AGMO: variants seen among roughly 807,000 people sequenced by gnomAD.
AGMO encodes the protein alkylglycerol monooxygenase, also known as glyceryl-ether monooxygenase.
In AGMO, 75 loss-of-function variants were observed where a neutral mutation model predicts 60.2. That is an observed-to-expected ratio of 1.25 (90% CI 1.03 to 1.51). The LOEUF (loss-of-function observed/expected upper bound fraction) is 1.51. AGMO is among the 40% of genes most tolerant of loss of function. The pLI, the probability that AGMO is intolerant of heterozygous loss-of-function variation, is 0.00. For missense variants in AGMO, 763 were observed against 525.5 expected (o/e 1.45, Z -4.42); for synonymous variants, 261 against 177.1 (o/e 1.47, Z -3.76).
intron 12 of AGMO, among the ~76,000 whole-genome samples, chr7:15,321,817 C>A (rs1328287672): frequency 6.6e-6 from 1 of 151,872 alleles, no homozygotes; most frequent in Non-Finnish European, 1.5e-5. Context: ...TTATTATTCC[C>A]CATAGGCTAG....
chr7:15,264,047 GTAAAAACCTATTGAAA>G (rs1783360762), intron 12 of AGMO, among the ~76,000 whole-genome samples: 1 of 151,062 alleles, frequency 6.6e-6, no homozygotes, highest in Non-Finnish European at 1.5e-5. Context: ...CTCCTGTTCA[GTAAAAACCTATTGAAA>G]TAAAAAATGA....
chr7:15,215,086 G>C (rs1781697726), intron 12 of AGMO, among the ~76,000 whole-genome samples: 1 of 152,054 alleles, frequency 6.6e-6, no homozygotes, highest in South Asian at 2.1e-4. Context: ...AGTAGAGTAA[G>C]CTAATTTTAA....
intron 12 of AGMO, among the ~76,000 whole-genome samples, chr7:15,282,278 T>C (rs1039509702): frequency 2.6e-5 from 4 of 151,944 alleles, no homozygotes; most frequent in African/African-American, 7.2e-5. Context: ...AATATTAAGC[T>C]ACTCAAGGAG....
chr7:15,557,438 T>C (rs1785175901), intron 2 of AGMO, among the ~76,000 whole-genome samples: 1 of 152,032 alleles, frequency 6.6e-6, no homozygotes. Context: ...CCTCAGCTGT[T>C]AATGATTTGC....
chr7:15,541,145 G>A (rs1184148953), intron 3 of AGMO, among the ~76,000 whole-genome samples: 2 of 151,570 alleles, frequency 1.3e-5, no homozygotes, highest in South Asian at 2.1e-4. Context: ...TTTTTGAGAC[G>A]GGGTCTCGCT....
intron 3 of AGMO, among the ~76,000 whole-genome samples, chr7:15,514,564 C>T (rs1783760677): frequency 6.6e-6 from 1 of 152,074 alleles, no homozygotes; most frequent in African/African-American, 2.4e-5. Flanking sequence ...TTTATAAAAT[C>T]ACTGCTCTAA....
intron 12 of AGMO, among the ~76,000 whole-genome samples, chr7:15,348,109 T>C (rs1320858739): frequency 6.6e-6 from 1 of 152,048 alleles, no homozygotes; most frequent in African/African-American, 2.4e-5. Context: ...AATGGTAATA[T>C]TGTATCAGAG....
chr7:15,389,341 C>A (rs1562480086), intron 8 of AGMO, among the ~76,000 whole-genome samples: 1 of 152,022 alleles, frequency 6.6e-6, no homozygotes, highest in African/African-American at 2.4e-5. Context: ...GGAGACAACT[C>A]CTATATGAAG....
chr7:15,459,361 G>A (rs762355546), intron 3 of AGMO, among the ~76,000 whole-genome samples: 17 of 152,076 alleles, frequency 1.1e-4, no homozygotes, highest in Non-Finnish European at 1.6e-4. Context: ...GTGCTTCTGG[G>A]CAGGAGATCC....
chr7:15,432,328 G>A (rs4719447), intron 3 of AGMO, among the ~76,000 whole-genome samples: 6 of 75,436 alleles, frequency 8.0e-5, no homozygotes, highest in East Asian at 3.1e-4. Context: ...GTGTATATAT[G>A]TATATATATA....
chr7:15,483,399 TAC>T (rs1782814498), intron 3 of AGMO, among the ~76,000 whole-genome samples: 1 of 122,156 alleles, frequency 8.2e-6, no homozygotes, highest in South Asian at 2.6e-4. Context: ...ACCCCGTCTC[TAC>T]TAAAAATACA....
intron 10 of AGMO, among the ~76,000 whole-genome samples, chr7:15,382,334 A>C (rs915770482): frequency 6.6e-6 from 1 of 152,110 alleles, no homozygotes; most frequent in African/African-American, 2.4e-5. Flanking sequence ...GATTTTGTCC[A>C]GGTATATACG....
intron 3 of AGMO, among the ~76,000 whole-genome samples, chr7:15,464,946 T>C (rs1001695375): frequency 6.6e-6 from 1 of 152,206 alleles, no homozygotes; most frequent in African/African-American, 2.4e-5. Flanking sequence ...CTGTGTTCAC[T>C]GCGACTAGCA....
chr7:15,501,327 G>A (rs1783381260), intron 3 of AGMO, among the ~76,000 whole-genome samples: 2 of 151,922 alleles, frequency 1.3e-5, no homozygotes, highest in Admixed American at 6.6e-5. Context: ...ACGACATTTG[G>A]GGTTGCCTTC....
At chr7:15,170,461 A>G in the AGMO span, among the ~76,000 whole-genome samples, 18 of 152,374 alleles carry the variant, frequency 1.2e-4, no homozygotes, top group South Asian at 2.7e-3. Context: ...AACCAAGGTT[A>G]GCATATTACA....
intron 12 of AGMO, among the ~76,000 whole-genome samples, chr7:15,313,334 T>C (rs958423316): frequency 2.6e-5 from 4 of 152,178 alleles, no homozygotes; most frequent in African/African-American, 9.7e-5. Flanking sequence ...AGGGAGCTAA[T>C]ATTAAACTCA....
chr7:15,439,092 G>A (rs1427274269), intron 3 of AGMO, among the ~76,000 whole-genome samples: 2 of 152,022 alleles, frequency 1.3e-5, no homozygotes, highest in African/African-American at 4.8e-5. Context: ...GCTTCAAAGG[G>A]ATATCTATAG....
chr7:15,328,053 G>C (rs927603744), intron 12 of AGMO, among the ~76,000 whole-genome samples: 6 of 152,104 alleles, frequency 3.9e-5, no homozygotes, highest in South Asian at 4.2e-4. Flanking sequence ...TGGGATTGCA[G>C]GTATGAGACA....
At chr7:15,390,779 T>C (rs1350263978) in intron 7 of AGMO, 29 bp from the exon 8 acceptor site, 4 of 1,596,032 alleles carry the variant, frequency 2.5e-6, no homozygotes, top group Non-Finnish European at 3.4e-6. Context: ...GATATGAGAT[T>C]TGGCTTCCTG....
Sources: allele counts gnomAD v4.1 joint callset (sites outside exome capture counted in the v4.1 genomes callset), GRCh38; gene constraint gnomAD v4.1.1; transcripts MANE v1.5; gene names NCBI Gene and HGNC (gene_info 2026-07-23, HGNC 2026-07-21).